The following RNGTT variants were observed in gnomAD, a reference collection of about 807,000 sequenced individuals.
RNGTT encodes the protein RNA guanylyltransferase and 5'-phosphatase.
In RNGTT, 33 loss-of-function variants were observed where a neutral mutation model predicts 79.3. The ratio of observed to expected loss-of-function variants is 0.42; its 90% confidence interval spans 0.32 to 0.56. The LOEUF (loss-of-function observed/expected upper bound fraction) is 0.56, where lower values mean the gene tolerates loss of function less well. RNGTT is among the 20% of genes least tolerant of loss of function. RNGTT has a pLI of 0.17. For synonymous variants in RNGTT, 222 were observed against 235.9 expected (o/e 0.94, Z 0.54); for missense variants, 497 against 739.1 (o/e 0.67, Z 3.80).
intron 8 of RNGTT, among the ~76,000 whole-genome samples, chr6:88,871,542 T>C (rs557894188): frequency 2.6e-5 from 4 of 152,092 alleles, no homozygotes; most frequent in Non-Finnish European, 5.9e-5. Context: ...TTGGGCTAGA[T>C]TAGATTAGAT....
intron 8 of RNGTT, among the ~76,000 whole-genome samples, chr6:88,873,836 G>C (rs982151673): frequency 1.3e-5 from 2 of 152,106 alleles, no homozygotes; most frequent in Non-Finnish European, 2.9e-5. Flanking sequence ...GTTAGAAAAA[G>C]TTTCAACTAC....
intron 11 of RNGTT, among the ~76,000 whole-genome samples, chr6:88,822,775 G>A (rs921952291): frequency 2.0e-5 from 3 of 152,102 alleles, no homozygotes; most frequent in Admixed American, 6.6e-5. Flanking sequence ...AAAAACAGGT[G>A]ATCAACCAAC....
intron 6 of RNGTT, among the ~76,000 whole-genome samples, chr6:88,894,992 T>C (rs190538932): frequency 1.3e-5 from 2 of 152,266 alleles, no homozygotes; most frequent in African/African-American, 2.4e-5. Flanking sequence ...CATACTATAA[T>C]TGAGTATTAA....
At chr6:88,956,040 CAA>C (rs750272502) in intron 1 of RNGTT, among the ~76,000 whole-genome samples, 143 of 23,594 alleles carry the variant, frequency 6.1e-3, no homozygotes, top group African/African-American at 0.02. Context: ...GACTCTGTCT[CAA>C]AAAAAAAAAA....
rs1481183687 is a variant in RNGTT, at chr6:88,610,933, T to C, written c.*1786A>G. The C allele has an allele frequency of 2.6e-5, 4 of 152,150 alleles. No homozygotes were observed. Among genetic ancestry groups the C allele is most frequent in the African/African-American group, 9.7e-5 (4 of 41,398 alleles). 9.4% of individuals were successfully genotyped at this position (152,150 alleles called of 1,614,324 possible). A position where few individuals can be genotyped will look rare whatever the true frequency, so the allele number is the denominator to read the frequency against. ...CTGGGGAAGCAGGCATCAGACTATT[T>C]GAAGTTGCATAGGCATTTTTTTTTT... is the stretch of plus-strand genomic sequence containing the variant. On this transcript the variant is annotated 3_prime_UTR_variant, in exon 16 of 16. Coordinates refer to ENST00000369485, the MANE Select transcript of RNGTT (RefSeq NM_003800.5).
At chr6:88,794,768 G>T (rs922423338) in intron 12 of RNGTT, among the ~76,000 whole-genome samples, 1 of 152,198 alleles carries the variant, frequency 6.6e-6, no homozygotes. Context: ...ATCAGTTTTA[G>T]TTCTGAAGCA....
intron 1 of RNGTT, among the ~76,000 whole-genome samples, chr6:88,950,965 T>C (rs937646522): frequency 6.6e-6 from 1 of 151,960 alleles, no homozygotes; most frequent in African/African-American, 2.4e-5. Flanking sequence ...TTCGAGTGAT[T>C]CTCCTGCCTC....
At chr6:88,941,211 TAAAA>T in intron 1 of RNGTT, 31 bp from the exon 2 acceptor site, 5 of 1,301,500 alleles carry the variant, frequency 3.8e-6, no homozygotes, top group Non-Finnish European at 5.5e-6. Flanking sequence ...ATCATTTCCA[TAAAA>T]GGAAATGTTT....
At chr6:88,911,294 A>G (rs1418701818) in intron 4 of RNGTT, among the ~76,000 whole-genome samples, 11 of 152,256 alleles carry the variant, frequency 7.2e-5, no homozygotes, top group Admixed American at 7.2e-4. Context: ...AGAAAGATCT[A>G]TCATGCAAAT....
chr6:88,924,510 A>T (rs995173253), intron 4 of RNGTT, among the ~76,000 whole-genome samples: 1 of 152,046 alleles, frequency 6.6e-6, no homozygotes, highest in African/African-American at 2.4e-5. Flanking sequence ...TCTTTTTTTG[A>T]GACAGAATTC....
At chr6:88,928,700 A>T (rs1342004859) in intron 4 of RNGTT, among the ~76,000 whole-genome samples, 1 of 152,214 alleles carries the variant, frequency 6.6e-6, no homozygotes, top group Non-Finnish European at 1.5e-5. Flanking sequence ...AAAATGTAAA[A>T]TTATAAAATG....
At chr6:88,797,647 C>A (rs1479909220) in intron 12 of RNGTT, among the ~76,000 whole-genome samples, 2 of 151,646 alleles carry the variant, frequency 1.3e-5, no homozygotes, top group East Asian at 3.9e-4. Context: ...CAAAAATATT[C>A]CTAATGCTAG....
chr6:88,638,972 A>G (rs181474401), intron 14 of RNGTT, among the ~76,000 whole-genome samples: 365 of 152,282 alleles, frequency 2.4e-3, no homozygotes, highest in African/African-American at 8.4e-3. Context: ...ACTTTTGGTA[A>G]TGTTAAACAA....
At chr6:88,853,970 G>C (rs1168101399) in intron 8 of RNGTT, among the ~76,000 whole-genome samples, 1 of 151,386 alleles carries the variant, frequency 6.6e-6, no homozygotes, top group African/African-American at 2.4e-5. Context: ...GCCCAGGCTG[G>C]ATGGAGTACA....
In RNGTT at chr6:88,941,207, T is replaced by C. The variant is rs768147536; in HGVS notation, c.65-27A>G. On this transcript the variant is annotated intron_variant, in intron 1 of 15. Transcript: ENST00000369485. Reference sequence around the variant, plus strand: ...TAAACAACACAGATAGGTAATCATTTCCATAAAAGGAAATGTTTCAGATTA... The same window carrying C: ...TAAACAACACAGATAGGTAATCATTCCCATAAAAGGAAATGTTTCAGATTA... The C allele has an allele frequency of 1.1e-5, 15 of 1,310,086 alleles. No individual in the cohort carries two copies. The South Asian group carries it at 1.8e-4, about 15-fold the overall frequency. 81.2% of individuals were successfully genotyped at this position (1,310,086 alleles called of 1,614,324 possible). A position where few individuals can be genotyped will look rare whatever the true frequency, so the allele number is the denominator to read the frequency against.
rs1456859675 is a variant in RNGTT, at chr6:88,697,943, TAC to T, written c.1440-19526_1440-19525del. ...ACATATATATGATATATATATGAAATACATATATATGATATATATATATGAAA... is the reference window on the plus strand; with the variant it reads ...ACATATATATGATATATATATGAAATATATATATGATATATATATATGAAA... On this transcript the variant is annotated intron_variant, in intron 13 of 15. Coordinates refer to ENST00000369485, the MANE Select transcript of RNGTT (RefSeq NM_003800.5). Among the ~76,000 whole-genome samples, 3 of 105,626 alleles carry T rather than the reference TAC, an allele frequency of 2.8e-5. 1 individual carries two copies. The highest frequency in any genetic ancestry group is 2.0e-4 in the African/African-American group (3 of 15,022). The allele number at this position is 105,626 out of a possible 152,430, so 69.3% of individuals were successfully genotyped here. A position where few individuals can be genotyped will look rare whatever the true frequency, so the allele number is the denominator to read the frequency against.
chr6:88,916,108 G>A (rs374584234), intron 4 of RNGTT, among the ~76,000 whole-genome samples: 2 of 152,154 alleles, frequency 1.3e-5, no homozygotes, highest in Non-Finnish European at 2.9e-5. Flanking sequence ...AAGAGTGACC[G>A]TATCAAGTGT....
In RNGTT at chr6:88,701,217, T is replaced by C. The variant is rs1775934729; in HGVS notation, c.1440-22798A>G. 3.3e-5 allele frequency among the ~76,000 whole-genome samples: 5 copies of C among 152,012 alleles called. No individual in the cohort carries two copies. In the South Asian group the frequency reaches 1.0e-3, roughly 32 times the overall value. The stretch of plus-strand genomic sequence containing the variant: ...ATATAATTAGCAAAGATGAGTAACA[T>C]GAATGCTGGAAAGGTATGTAGTAAT... On this transcript the variant is annotated intron_variant, in intron 13 of 15. Transcript: ENST00000369485.
chr6:88,879,088 G>A (rs1333480507), intron 8 of RNGTT, among the ~76,000 whole-genome samples: 1 of 152,134 alleles, frequency 6.6e-6, no homozygotes, highest in Non-Finnish European at 1.5e-5. Context: ...TGGGGTAACT[G>A]CATGTTTCTG....
Sources: allele counts gnomAD v4.1 joint callset (sites outside exome capture counted in the v4.1 genomes callset), GRCh38; gene constraint gnomAD v4.1.1; transcripts MANE v1.5; gene names NCBI Gene and HGNC (gene_info 2026-07-23, HGNC 2026-07-21).